KALRN: variants seen among roughly 807,000 people sequenced by gnomAD.
KALRN encodes kalirin.
In KALRN, 70 loss-of-function variants were observed where a neutral mutation model predicts 353.7. That is an observed-to-expected ratio of 0.20 (90% CI 0.16 to 0.24). The LOEUF (loss-of-function observed/expected upper bound fraction) is 0.24, where lower values mean the gene tolerates loss of function less well. Among genes scored for constraint, KALRN ranks in the 10% least tolerant of loss-of-function variants. KALRN has a pLI of 1.00. For missense variants in KALRN, 2,791 were observed against 3,756.7 expected, an observed-to-expected ratio of 0.74 and a Z score of 6.72; for synonymous variants, 1,391 against 1,434.8, an observed-to-expected ratio of 0.97 and a Z score of 0.69.
At chr3:124,650,270 T>C (rs1243644815) in intron 37 of KALRN, among the ~76,000 whole-genome samples, 1 of 152,222 alleles carries the variant, frequency 6.6e-6, no homozygotes, top group Non-Finnish European at 1.5e-5. Context: ...TCAAAGGGGT[T>C]GTACAGCTAT....
At chr3:124,318,826 G>A (rs1580895393) in intron 6 of KALRN, among the ~76,000 whole-genome samples, 1 of 152,190 alleles carries the variant, frequency 6.6e-6, no homozygotes, top group Non-Finnish European at 1.5e-5. Context: ...AAGATGCTGG[G>A]GCTCTAGTCT....
At chr3:124,549,303 G>GA (rs2070130938) in intron 33 of KALRN, among the ~76,000 whole-genome samples, 1 of 148,218 alleles carries the variant, frequency 6.7e-6, no homozygotes, top group Admixed American at 6.8e-5. Context: ...TTTAAGGAAA[G>GA]AAAACCCCAA....
At chr3:124,186,391 T>C (rs2074236549) in intron 1 of KALRN, among the ~76,000 whole-genome samples, 1 of 152,148 alleles carries the variant, frequency 6.6e-6, no homozygotes, top group Non-Finnish European at 1.5e-5. Context: ...AATAGGGTAA[T>C]AGCAGCAGCA....
At chr3:124,518,749 T>A in intron 33 of KALRN, 1 of 1,357,970 alleles carries the variant, frequency 7.4e-7, no homozygotes, top group South Asian at 1.7e-5. Flanking sequence ...AGAGGCCCAA[T>A]GGCCCAATGT....
At chr3:124,590,437 T>C (rs1222920018) in intron 34 of KALRN, among the ~76,000 whole-genome samples, 1 of 152,160 alleles carries the variant, frequency 6.6e-6, no homozygotes, top group East Asian at 1.9e-4. Context: ...CTGTATCTGT[T>C]TTTTAATGCA....
intron 10 of KALRN, among the ~76,000 whole-genome samples, chr3:124,371,254 G>A (rs1430545861): frequency 1.3e-5 from 2 of 152,160 alleles, no homozygotes; most frequent in Non-Finnish European, 2.9e-5. Flanking sequence ...TTCCTTTTAA[G>A]TACTACACAT....
chr3:124,104,042 G>A (rs2062088337), intron 1 of KALRN, among the ~76,000 whole-genome samples: 1 of 152,170 alleles, frequency 6.6e-6, no homozygotes, highest in African/African-American at 2.4e-5. Flanking sequence ...CTTATAAGGG[G>A]GAGCTCTTCT....
At chr3:124,050,085 C>G (rs1177591256) in intron 1 of KALRN, among the ~76,000 whole-genome samples, 1 of 152,064 alleles carries the variant, frequency 6.6e-6, no homozygotes, top group Admixed American at 6.6e-5. Flanking sequence ...GTGATGGGAG[C>G]AAAGGAAGAA....
intron 5 of KALRN, 111 bp downstream of exon 5, chr3:124,269,366 G>A (rs2073907994): frequency 1.7e-6 from 2 of 1,168,954 alleles, no homozygotes; most frequent in South Asian, 1.6e-5. Flanking sequence ...TTAAAACAGT[G>A]TGCCTACTAG....
At chr3:124,268,665 T>C in intron 4 of KALRN, 78 bp from the exon 5 acceptor site, 1 of 1,445,736 alleles carries the variant, frequency 6.9e-7, no homozygotes, top group Non-Finnish European at 9.6e-7. Flanking sequence ...ATTTATCTTG[T>C]CCTTTCCCTC....
intron 5 of KALRN, among the ~76,000 whole-genome samples, chr3:124,282,184 T>C (rs1022885210): frequency 1.3e-5 from 2 of 152,120 alleles, no homozygotes; most frequent in African/African-American, 2.4e-5. Flanking sequence ...ACCAAGGCCT[T>C]CGTGTTAGGA....
chr3:124,499,380 A>C (rs1445439717), intron 33 of KALRN, among the ~76,000 whole-genome samples: 1 of 152,180 alleles, frequency 6.6e-6, no homozygotes, highest in South Asian at 2.1e-4. Flanking sequence ...CTATCTCACT[A>C]AGTCATTGGT....
intron 3 of KALRN, among the ~76,000 whole-genome samples, chr3:124,255,358 T>C (rs1002504474): frequency 2.0e-5 from 3 of 152,242 alleles, no homozygotes; most frequent in Admixed American, 6.5e-5. Flanking sequence ...GCATTTATTC[T>C]CTTTATCTAG....
chr3:124,525,025 GCAGC>G (rs2067470015), intron 33 of KALRN, among the ~76,000 whole-genome samples: 1 of 152,222 alleles, frequency 6.6e-6, no homozygotes, highest in Non-Finnish European at 1.5e-5. Context: ...GGGTAGATAT[GCAGC>G]TGGTTCTCAG....
intron 10 of KALRN, 104 bp downstream of exon 10, chr3:124,347,369 AGC>A: frequency 1.5e-6 from 1 of 671,982 alleles, no homozygotes; most frequent in Non-Finnish European, 2.0e-6. Context: ...TCAGGTGAGA[AGC>A]TGTGTGTGTG....
chr3:124,282,384 T>C (rs1037930407), intron 5 of KALRN, among the ~76,000 whole-genome samples: 1 of 151,118 alleles, frequency 6.6e-6, no homozygotes, highest in African/African-American at 2.4e-5. Flanking sequence ...TTTTTCTTTT[T>C]TTTTTTTTTT....
chr3:124,497,592 G>A (rs547517957), intron 33 of KALRN, among the ~76,000 whole-genome samples: 2 of 152,244 alleles, frequency 1.3e-5, no homozygotes, highest in African/African-American at 2.4e-5. Flanking sequence ...CTGCCCTCAA[G>A]TTTTTAAGCC....
intron 1 of KALRN, among the ~76,000 whole-genome samples, chr3:124,114,924 C>G (rs1272898261): frequency 6.6e-6 from 1 of 152,178 alleles, no homozygotes; most frequent in Non-Finnish European, 1.5e-5. Flanking sequence ...GTATTGAATG[C>G]CTACCCTGTG....
intron 1 of KALRN, among the ~76,000 whole-genome samples, chr3:124,063,854 A>T (rs185962415): frequency 4.6e-5 from 7 of 152,310 alleles, no homozygotes; most frequent in African/African-American, 1.4e-4. Context: ...TAGGGATCAG[A>T]AAGGCTGGGC....
Sources: gnomAD v4.1 joint callset for allele counts (sites outside exome capture counted in the v4.1 genomes callset) on GRCh38, gnomAD v4.1.1 for gene constraint, MANE v1.5 for transcripts, NCBI Gene and HGNC (gene_info 2026-07-23, HGNC 2026-07-21) for gene names.